STK38L: variants seen among roughly 807,000 people sequenced by gnomAD.
STK38L encodes serine/threonine kinase 38 like.
A neutral mutation model predicts 59.7 loss-of-function variants in STK38L; 28 were observed. The ratio of observed to expected loss-of-function variants is 0.47; its 90% CI spans 0.35 to 0.64. The LOEUF (loss-of-function observed/expected upper bound fraction) is 0.64. Among genes scored for constraint, STK38L ranks in the 30% least tolerant of loss-of-function variants. The pLI, the probability that STK38L is intolerant of heterozygous loss-of-function variation, is 0.01. For missense variants in STK38L, 314 were observed against 555.8 expected (o/e 0.56, Z 4.37); for synonymous variants, 162 against 176.8 (o/e 0.92, Z 0.66).
At chr12:27,294,689 T>C (rs1943971338) in intron 1 of STK38L, among the ~76,000 whole-genome samples, 1 of 151,594 alleles carries the variant, frequency 6.6e-6, no homozygotes, top group African/African-American at 2.4e-5. Context: ...ACGATCCCTG[T>C]TTCACTTTTC....
At chr12:27,251,808 T>G (rs1942980693) in intron 1 of STK38L, among the ~76,000 whole-genome samples, 1 of 152,218 alleles carries the variant, frequency 6.6e-6, no homozygotes. Context: ...TTTTAAATCA[T>G]GAAATGTTAA....
At chr12:27,261,033 T>C (rs1943194134) in intron 1 of STK38L, among the ~76,000 whole-genome samples, 1 of 152,244 alleles carries the variant, frequency 6.6e-6, no homozygotes. Flanking sequence ...TTGTGTCCCA[T>C]GTTTCCATTC....
chr12:27,317,685 T>C (rs572257969), intron 10 of STK38L: 1 of 750,310 alleles, frequency 1.3e-6, no homozygotes, highest in South Asian at 1.9e-5. Flanking sequence ...GTTATCTACA[T>C]AGCTTTTCAG....
chr12:27,313,498 C>T (rs1420921261), intron 6 of STK38L, among the ~76,000 whole-genome samples: 1 of 152,026 alleles, frequency 6.6e-6, no homozygotes, highest in Non-Finnish European at 1.5e-5. Context: ...TCTCCTGTCT[C>T]AGCCTCCTGA....
At chr12:27,312,114 C>A (rs371534764) in intron 5 of STK38L, among the ~76,000 whole-genome samples, 1 of 151,488 alleles carries the variant, frequency 6.6e-6, no homozygotes, top group East Asian at 1.9e-4. Context: ...CTCCTGACCT[C>A]GTGATCCACC....
intron 1 of STK38L, among the ~76,000 whole-genome samples, chr12:27,263,948 C>T (rs373808034): frequency 3.7e-4 from 57 of 152,144 alleles, no homozygotes; most frequent in African/African-American, 1.3e-3. Context: ...AGGAATAGTT[C>T]GTCAGGTTCT....
chr12:27,312,715 A>G (rs1944484783), intron 6 of STK38L, 43 bp downstream of exon 6: 2 of 1,595,038 alleles, frequency 1.3e-6, no homozygotes, highest in South Asian at 2.3e-5. Flanking sequence ...ATACAAGCAC[A>G]TCTTTATATG....
intron 10 of STK38L, 48 bp from the exon 11 acceptor site, chr12:27,317,848 C>G (rs767178768): frequency 6.2e-6 from 10 of 1,608,182 alleles, no homozygotes; most frequent in Non-Finnish European, 7.6e-6. Context: ...GTATAAACTT[C>G]ACTGCTCACA....
At chr12:27,268,113 A>T (rs1943337657) in intron 1 of STK38L, among the ~76,000 whole-genome samples, 1 of 151,958 alleles carries the variant, frequency 6.6e-6, no homozygotes, top group Admixed American at 6.6e-5. Flanking sequence ...TCATTCTGTG[A>T]TGCTAATTTT....
chr12:27,320,984 T>C lies in STK38L; in HGVS notation c.1176-1159T>C, dbSNP rs138160859. 1.8e-4 allele frequency among the ~76,000 whole-genome samples: 27 copies of C among 152,030 alleles called. No individual in the cohort carries two copies. In the East Asian group the frequency reaches 4.4e-3, roughly 25 times the overall value. On this transcript the variant is annotated intron_variant, in intron 12 of 13. Transcript: ENST00000389032. ...AACTAGAATACCCTCCCTTTTACAG[T>C]GGGAAGGATGCTTAGAGACTGCCAG...
intron 1 of STK38L, among the ~76,000 whole-genome samples, chr12:27,265,004 C>G (rs1943274171): frequency 6.6e-6 from 1 of 152,104 alleles, no homozygotes; most frequent in Non-Finnish European, 1.5e-5. Context: ...AAGGCAGATG[C>G]AAGGACTGGC....
At chr12:27,269,684 C>G (rs1324215639) in intron 1 of STK38L, among the ~76,000 whole-genome samples, 3 of 152,084 alleles carry the variant, frequency 2.0e-5, no homozygotes, top group Non-Finnish European at 4.4e-5. Context: ...GCTTTGTCAC[C>G]CAGGCTGCAG....
At chr12:27,281,525 C>T (rs1466036255) in intron 1 of STK38L, among the ~76,000 whole-genome samples, 5 of 152,130 alleles carry the variant, frequency 3.3e-5, no homozygotes, top group African/African-American at 7.2e-5. Flanking sequence ...CCTCTCTGTG[C>T]CCTGGTTTCC....
chr12:27,319,840 G>T (rs1944680097), intron 12 of STK38L, among the ~76,000 whole-genome samples: 1 of 152,134 alleles, frequency 6.6e-6, no homozygotes, highest in Non-Finnish European at 1.5e-5. Flanking sequence ...TAACTTTTAA[G>T]AATTTGCTTA....
intron 1 of STK38L, among the ~76,000 whole-genome samples, chr12:27,284,739 C>A (rs931507265): frequency 1.3e-5 from 2 of 152,118 alleles, no homozygotes; most frequent in South Asian, 4.1e-4. Context: ...TTCTAAAGAT[C>A]ACAAGTCAAT....
At chr12:27,285,533 A>G (rs1943753307) in intron 1 of STK38L, among the ~76,000 whole-genome samples, 2 of 152,154 alleles carry the variant, frequency 1.3e-5, no homozygotes, top group Non-Finnish European at 2.9e-5. Flanking sequence ...CAAGTGTTCA[A>G]AGCTGCCCAA....
intron 1 of STK38L, among the ~76,000 whole-genome samples, chr12:27,254,447 A>T (rs1943043455): frequency 1.3e-5 from 2 of 152,172 alleles, no homozygotes; most frequent in Admixed American, 1.3e-4. Context: ...TGTATGTGCA[A>T]ATCGTTATTA....
intron 1 of STK38L, among the ~76,000 whole-genome samples, chr12:27,261,436 A>G (rs965797579): frequency 6.6e-6 from 1 of 152,186 alleles, no homozygotes; most frequent in African/African-American, 2.4e-5. Flanking sequence ...TTTGTTTAAT[A>G]CCCATATTCT....
At chr12:27,252,138 C>A (rs1304685205) in intron 1 of STK38L, among the ~76,000 whole-genome samples, 5 of 152,156 alleles carry the variant, frequency 3.3e-5, no homozygotes, top group African/African-American at 9.7e-5. Flanking sequence ...TGCCACCACA[C>A]CTGGCTAATT....
Sources: allele counts gnomAD v4.1 joint callset (sites outside exome capture counted in the v4.1 genomes callset), GRCh38; gene constraint gnomAD v4.1.1; transcripts MANE v1.5; gene names NCBI Gene and HGNC (gene_info 2026-07-23, HGNC 2026-07-21).